The following CELF2 variants were observed in gnomAD, a reference collection of about 807,000 sequenced individuals.
CELF2 encodes CUG triplet repeat RNA-binding protein 2.
In CELF2, 8 loss-of-function variants were observed where a neutral mutation model predicts 62.6. The ratio of observed to expected loss-of-function variants is 0.13; its 90% CI spans 0.07 to 0.23. The LOEUF (loss-of-function observed/expected upper bound fraction) is 0.23. Among genes scored for constraint, CELF2 ranks in the 10% least tolerant of loss-of-function variants. CELF2 has a pLI of 1.00. For missense variants in CELF2, 333 were observed against 671.0 expected (o/e 0.50, Z 5.56); for synonymous variants, 258 against 250.0 (o/e 1.03, Z -0.30).
chr10:11,021,923 TGATTCCA>T (rs1163863991), intron 1 of CELF2, among the ~76,000 whole-genome samples: 1 of 152,246 alleles, frequency 6.6e-6, no homozygotes, highest in Non-Finnish European at 1.5e-5. Flanking sequence ...CTTTCTAATT[TGATTCCA>T]ATTCGGTTAT....
chr10:10,583,157 A>G, the CELF2 span, among the ~76,000 whole-genome samples: 1 of 152,204 alleles, frequency 6.6e-6, no homozygotes, highest in African/African-American at 2.4e-5. Context: ...GAGGATTATG[A>G]TTGATATGTA....
At chr10:11,014,201 C>T (rs972768820), upstream of CELF2, among the ~76,000 whole-genome samples, 8 of 152,224 alleles carry the variant, frequency 5.3e-5, no homozygotes, top group South Asian at 4.1e-4. Context: ...TTTGTCATGA[C>T]GAGCCAGAAA....
the CELF2 span, among the ~76,000 whole-genome samples, chr10:10,487,536 C>T: frequency 1.3e-5 from 2 of 152,226 alleles, no homozygotes; most frequent in East Asian, 1.9e-4. Flanking sequence ...TTTTTCATGA[C>T]GTCCATGACC....
chr10:10,719,975 C>T, the CELF2 span, among the ~76,000 whole-genome samples: 1 of 152,164 alleles, frequency 6.6e-6, no homozygotes, highest in African/African-American at 2.4e-5. Context: ...TTGTTATTAA[C>T]CATTTCATCT....
chr10:10,632,646 A>G, the CELF2 span, among the ~76,000 whole-genome samples: 1 of 151,920 alleles, frequency 6.6e-6, no homozygotes, highest in African/African-American at 2.4e-5. Context: ...AACATCTCAA[A>G]ATCTTCTTTT....
intron 1 of CELF2, among the ~76,000 whole-genome samples, chr10:10,818,663 C>T (rs1264145745): frequency 6.6e-6 from 1 of 150,554 alleles, no homozygotes; most frequent in Non-Finnish European, 1.5e-5. Context: ...AAGTGATTCT[C>T]ATGCCTCAGC....
chr10:10,986,162 A>G (rs950794136), intron 2 of CELF2, among the ~76,000 whole-genome samples: 10 of 152,126 alleles, frequency 6.6e-5, no homozygotes, highest in African/African-American at 2.4e-4. Context: ...GCACTTATCT[A>G]TACAGTGTAA....
the CELF2 span, among the ~76,000 whole-genome samples, chr10:10,679,491 T>A: frequency 2.0e-5 from 3 of 152,176 alleles, no homozygotes; most frequent in Non-Finnish European, 4.4e-5. Context: ...GGTTTCACCA[T>A]GTTGGCCAGG....
At chr10:10,541,165 C>A in the CELF2 span, among the ~76,000 whole-genome samples, 3 of 150,694 alleles carry the variant, frequency 2.0e-5, no homozygotes, top group South Asian at 6.3e-4. Context: ...ATGGCGAGAA[C>A]CCGGGAGGCG....
At chr10:10,780,878 C>T in the CELF2 span, among the ~76,000 whole-genome samples, 2 of 152,226 alleles carry the variant, frequency 1.3e-5, no homozygotes, top group African/African-American at 4.8e-5. Context: ...CACTCATCAG[C>T]ACAACTCTAA....
At position 11,321,533 on chromosome 10, in the gene CELF2, ACT is replaced by A; in HGVS notation, c.1294+148_1294+149del. 6.5e-6 allele frequency: 4 copies of A among 618,826 alleles called. No homozygotes were observed. The highest frequency in any genetic ancestry group is 1.1e-5 in the Non-Finnish European group (4 of 368,900). 38.3% of individuals were successfully genotyped at this position (618,826 alleles called of 1,614,324 possible). ...TTATTCATGTTTAAAAAAAAAAAAAACTGAAAGCTGGGCATGGTGGCATACAC... is the reference window on the plus strand; with the variant it reads ...TTATTCATGTTTAAAAAAAAAAAAAAGAAAGCTGGGCATGGTGGCATACAC... On this transcript the variant is annotated intron_variant, in intron 11 of 12. Coordinates refer to ENST00000633077, the MANE Select transcript of CELF2 (RefSeq NM_001326342.2). This position sits in a 1 kb window ranked among gnomAD's most constrained non-coding sequence, Gnocchi z 6.2.
At chr10:10,581,757 C>A in the CELF2 span, among the ~76,000 whole-genome samples, 5 of 152,270 alleles carry the variant, frequency 3.3e-5, no homozygotes, top group Admixed American at 2.6e-4. Flanking sequence ...AGGCCAGGCG[C>A]GGTGGTTCAC....
At chr10:10,701,517 T>C in the CELF2 span, among the ~76,000 whole-genome samples, 2 of 152,222 alleles carry the variant, frequency 1.3e-5, no homozygotes, top group Non-Finnish European at 2.9e-5. Flanking sequence ...GCGTCCAAAT[T>C]AGTATGCGTC....
the CELF2 span, among the ~76,000 whole-genome samples, chr10:10,475,476 C>CAA: frequency 1.4e-5 from 2 of 143,552 alleles, no homozygotes; most frequent in Non-Finnish European, 1.5e-5. Context: ...CTTGGCCACT[C>CAA]AAAAAAAAAA....
the CELF2 span, among the ~76,000 whole-genome samples, chr10:10,621,532 G>T: frequency 6.6e-6 from 1 of 152,108 alleles, no homozygotes; most frequent in East Asian, 1.9e-4. Context: ...GAACTGATGA[G>T]GCTCTACACT....
chr10:10,555,995 T>A, the CELF2 span, among the ~76,000 whole-genome samples: 1 of 152,202 alleles, frequency 6.6e-6, no homozygotes, highest in African/African-American at 2.4e-5. Flanking sequence ...AATACTTTAC[T>A]GAACTTCAAT....
At chr10:10,721,583 G>C in the CELF2 span, among the ~76,000 whole-genome samples, 1 of 152,158 alleles carries the variant, frequency 6.6e-6, no homozygotes, top group South Asian at 2.1e-4. Context: ...TTTGAAACTG[G>C]AGTGCAATAA....
chr10:10,493,723 G>A, the CELF2 span, among the ~76,000 whole-genome samples: 1 of 151,894 alleles, frequency 6.6e-6, no homozygotes, highest in Non-Finnish European at 1.5e-5. Flanking sequence ...GTAGAGAGAG[G>A]GTTTCACCAC....
intron 2 of CELF2, among the ~76,000 whole-genome samples, chr10:10,933,385 T>G (rs1186149047): frequency 6.6e-6 from 1 of 152,234 alleles, no homozygotes; most frequent in Non-Finnish European, 1.5e-5. Flanking sequence ...TGTGCAAAAA[T>G]CAAATCAGGG....
Sources: allele counts gnomAD v4.1 joint callset (sites outside exome capture counted in the v4.1 genomes callset), GRCh38; gene constraint gnomAD v4.1.1; non-coding constraint Gnocchi (gnomAD v3.1); transcripts MANE v1.5; gene names NCBI Gene and HGNC (gene_info 2026-07-23, HGNC 2026-07-21).